Variants in ABCA4 observed in about 807,000 individuals in gnomAD.
ABCA4 encodes the protein ATP binding cassette subfamily A member 4, also known as retinal-specific phospholipid-transporting ATPase ABCA4.
Under a neutral mutation model 263.7 loss-of-function variants are expected in ABCA4, and 196 were observed. The observed-to-expected ratio is 0.74, with a 90% CI of 0.66 to 0.84. The LOEUF is 0.84. Ranked by LOEUF, ABCA4 falls within the 40% of genes least tolerant of loss-of-function variation. ABCA4 has a pLI of 0.00. For missense variants in ABCA4, 2,792 were observed against 2,855.1 expected (o/e 0.98, Z 0.50); for synonymous variants, 1,133 against 1,094.2 (o/e 1.04, Z -0.70).
intron 19 of ABCA4, among the ~76,000 whole-genome samples, chr1:94,045,049 A>G (rs1660637732): frequency 6.6e-6 from 1 of 152,252 alleles, no homozygotes; most frequent in Non-Finnish European, 1.5e-5. Context: ...AGGTGTCCCC[A>G]GCTCAGCCAT....
intron 32 of ABCA4, among the ~76,000 whole-genome samples, 193 bp downstream of exon 32, chr1:94,023,193 A>G (rs999868778): frequency 6.6e-6 from 1 of 152,198 alleles, no homozygotes; most frequent in African/African-American, 2.4e-5. Context: ...TCCTCCAAGA[A>G]GAGGCACCAC....
intron 17 of ABCA4, among the ~76,000 whole-genome samples, chr1:94,051,376 G>T (rs1179386613): frequency 6.6e-6 from 1 of 152,182 alleles, no homozygotes; most frequent in Non-Finnish European, 1.5e-5. Flanking sequence ...GGGCAATTTA[G>T]TCTACTGGAC....
intron 35 of ABCA4, 71 bp from the exon 36 acceptor site, chr1:94,019,830 GT>G: frequency 6.5e-7 from 1 of 1,542,070 alleles, no homozygotes; most frequent in Non-Finnish European, 8.8e-7. Context: ...AAGATACAAA[GT>G]CAGGCTTTGG....
At chr1:94,019,400 A>T in intron 36 of ABCA4, 182 bp downstream of exon 36, 1 of 685,626 alleles carries the variant, frequency 1.5e-6, no homozygotes, top group Non-Finnish European at 2.4e-6. Context: ...TCGGGCTCCT[A>T]GTTCTGTGCC....
chr1:94,029,729 T>C, intron 29 of ABCA4, 98 bp from the exon 30 acceptor site: 1 of 1,156,884 alleles, frequency 8.6e-7, no homozygotes, highest in Non-Finnish European at 1.3e-6. Context: ...TCCTCCTCTT[T>C]AGACCCAGGC....
intron 2 of ABCA4, 81 bp downstream of exon 2, chr1:94,112,892 T>C: frequency 9.7e-7 from 1 of 1,026,444 alleles, no homozygotes; most frequent in Non-Finnish European, 1.6e-6. Flanking sequence ...ATCCCCACAC[T>C]CCCACCCCAA....
chr1:94,000,867 A>G lies in ABCA4; in HGVS notation c.6448T>C (p.Cys2150Arg), dbSNP rs61750656. The change falls in exon 47 of 50, where the codon TGT becomes CGT. Residue 2150 changes from cysteine (C) to arginine (R), a missense_variant. Transcript: ENST00000370225. ...TTGAGATGCTGAATGGTGCCCATAC[A>G]TCGAAAGGCGCCCTTTACCATGATG... ...LAIMVKGAFR[C>R]MGTIQHLKSK... 1.2e-6 allele frequency: 2 copies of G among 1,614,090 alleles called. No individual in the cohort carries two copies. The highest frequency in any genetic ancestry group is 1.3e-5 in the African/African-American group (1 of 74,938).
In ABCA4 at chr1:94,048,961, C is replaced by T. The variant is rs1660764105; in HGVS notation, c.2654-4G>A. The T allele has an allele frequency of 1.9e-6, 3 of 1,613,802 alleles. No individual in the cohort carries two copies. Among genetic ancestry groups the T allele is most frequent in the African/African-American group, 1.3e-5 (1 of 74,870 alleles). Reference sequence around the variant, plus strand: ...CTTTCTTCTCTGGTTGAACACCCTGCACCAATCAGAAGCCAGTGTTACTCT... The same window carrying T: ...CTTTCTTCTCTGGTTGAACACCCTGTACCAATCAGAAGCCAGTGTTACTCT... On this transcript the variant is annotated splice_polypyrimidine_tract_variant and splice_region_variant and intron_variant, in intron 17 of 49. Transcript: ENST00000370225.
At chr1:94,040,202 G>T in intron 23 of ABCA4, 75 bp from the exon 24 acceptor site, 2 of 1,182,454 alleles carry the variant, frequency 1.7e-6, no homozygotes, top group Non-Finnish European at 2.5e-6. Context: ...GCCAGCTGCT[G>T]TCACCGCCCG....
intron 28 of ABCA4, 27 bp from the exon 29 acceptor site, chr1:94,030,553 G>A: frequency 6.2e-7 from 1 of 1,603,610 alleles, no homozygotes. Context: ...ATGTGACTGG[G>A]ACAGAGCAGG....
intron 11 of ABCA4, among the ~76,000 whole-genome samples, chr1:94,066,195 G>A (rs375413434): frequency 1.7e-4 from 26 of 152,344 alleles, no homozygotes; most frequent in African/African-American, 5.8e-4. Context: ...GACACCCAGT[G>A]TTTGTCAGTA....
At chr1:94,106,134 C>G (rs980449701) in intron 4 of ABCA4, among the ~76,000 whole-genome samples, 12 of 152,206 alleles carry the variant, frequency 7.9e-5, no homozygotes, top group African/African-American at 2.7e-4. Flanking sequence ...TGCAGAGCCC[C>G]CATTCCTAGG....
At chr1:94,044,810 C>G in intron 19 of ABCA4, 66 bp from the exon 20 acceptor site, 3 of 1,610,368 alleles carry the variant, frequency 1.9e-6, no homozygotes, top group Admixed American at 3.3e-5. Flanking sequence ...GAGGGCCACC[C>G]CCACACCAGG....
At position 94,098,938 on chromosome 1, in the gene ABCA4, G is replaced by A; in HGVS notation, c.624C>T (p.Ala208=). 1 of 1,613,112 alleles carries A rather than the reference G, an allele frequency of 6.2e-7. No homozygotes were observed. The highest frequency in any genetic ancestry group is 8.5e-7 in the Non-Finnish European group (1 of 1,180,030). ...LALKDIACSE[A]LLERFIIFSQ... The stretch of plus-strand genomic sequence containing the variant: ...TGAAGATGATGAAGCGCTCCAGGAG[G>A]GCCTCGCTGCAGGCGATGTCCTTCA... The change falls in exon 6 of 50, where the codon GCC becomes GCT. Residue 208 remains alanine (A), a synonymous_variant. Coordinates refer to ENST00000370225, the MANE Select transcript of ABCA4 (RefSeq NM_000350.3).
intron 4 of ABCA4, among the ~76,000 whole-genome samples, chr1:94,103,440 G>T (rs1011655788): frequency 2.6e-5 from 4 of 152,190 alleles, no homozygotes; most frequent in African/African-American, 9.7e-5. Flanking sequence ...TTGAGGTGGG[G>T]CTGGGGAACT....
At position 94,037,181 on chromosome 1, in the gene ABCA4, G is replaced by A; in HGVS notation, c.3777C>T (p.Leu1259=). ...GAGTGTCAGAAATTCCAAAACTGCT[G>A]AGACCAAGGTCAGCCAGCGTCTCCT... ...ELEETLADLG[L]SSFGISDTPL... The change falls in exon 25 of 50, where the codon CTC becomes CTT. Residue 1259 remains leucine (L), a synonymous_variant. Coordinates refer to ENST00000370225, the MANE Select transcript of ABCA4 (RefSeq NM_000350.3). The A allele has an allele frequency of 6.2e-7, 1 of 1,614,208 alleles. No individual in the cohort carries two copies. Among genetic ancestry groups the A allele is most frequent in the Non-Finnish European group, 8.5e-7 (1 of 1,180,040 alleles).
chr1:94,002,980 TA>T (rs60097381), intron 44 of ABCA4, among the ~76,000 whole-genome samples: 19,409 of 152,188 alleles, frequency 0.13, 2,064 homozygotes, highest in African/African-American at 0.29. Context: ...TATTAACTAA[TA>T]AAACCCTTCT....
chr1:94,050,937 C>T (rs1206966317), intron 17 of ABCA4, among the ~76,000 whole-genome samples: 2 of 152,180 alleles, frequency 1.3e-5, no homozygotes, highest in Non-Finnish European at 2.9e-5. Flanking sequence ...TAGGGGAGTC[C>T]CCCGCTTTCA....
At chr1:94,076,711 G>C (rs1661546252) in intron 11 of ABCA4, among the ~76,000 whole-genome samples, 1 of 152,188 alleles carries the variant, frequency 6.6e-6, no homozygotes. Flanking sequence ...AAGCAGGTGT[G>C]CGGAATGTAA....
Sources: allele counts gnomAD v4.1 joint callset (sites outside exome capture counted in the v4.1 genomes callset), GRCh38; gene constraint gnomAD v4.1.1; transcripts MANE v1.5; gene names NCBI Gene and HGNC (gene_info 2026-07-23, HGNC 2026-07-21).